MYO1E: variants seen among roughly 807,000 people sequenced by gnomAD.
MYO1E encodes the protein unconventional myosin-Ie.
Under a neutral mutation model 151.1 loss-of-function variants are expected in MYO1E, and 68 were observed. The observed-to-expected ratio is 0.45, with a 90% confidence interval of 0.37 to 0.55. The LOEUF (loss-of-function observed/expected upper bound fraction) is 0.55. Among genes scored for constraint, MYO1E ranks in the 20% least tolerant of loss-of-function variants. The probability of loss-of-function intolerance (pLI) is 0.00; values close to 1 mark genes in which losing one functional copy is unlikely to be tolerated. For synonymous variants in MYO1E, 601 were observed against 501.7 expected (o/e 1.20, Z -2.64); for missense variants, 1,363 against 1,389.3 (o/e 0.98, Z 0.30).
chr15:59,151,852 C>T (rs1318504587), intron 26 of MYO1E, among the ~76,000 whole-genome samples: 18 of 152,060 alleles, frequency 1.2e-4, no homozygotes, highest in African/African-American at 4.1e-4. Flanking sequence ...TCAAGACCAT[C>T]CTGGCCAACA....
chr15:59,314,653 G>A lies in MYO1E; in HGVS notation c.4-42204C>T, dbSNP rs554838621. ...CTCCGGGGCAGCTCTGCTCCCCAGA[G>A]GACATTTGGCAGAATATGGATTCAT... is the stretch of plus-strand genomic sequence containing the variant. On this transcript the variant is annotated intron_variant, in intron 1 of 27. Coordinates refer to ENST00000288235, the MANE Select transcript of MYO1E (RefSeq NM_004998.4). 8.6e-4 allele frequency among the ~76,000 whole-genome samples: 131 copies of A among 152,158 alleles called. 1 individual carries two copies. The highest frequency in any genetic ancestry group is 3.0e-3 in the African/African-American group (126 of 41,502).
intron 18 of MYO1E, among the ~76,000 whole-genome samples, chr15:59,187,123 C>T (rs758425267): frequency 4.5e-4 from 69 of 152,326 alleles, no homozygotes; most frequent in Non-Finnish European, 8.7e-4. Flanking sequence ...CTTCCTGTGG[C>T]ACAATTATCA....
chr15:59,244,568 A>C (rs1253681214), intron 4 of MYO1E, among the ~76,000 whole-genome samples: 3 of 152,170 alleles, frequency 2.0e-5, no homozygotes, highest in Non-Finnish European at 4.4e-5. Flanking sequence ...GCACCTCATG[A>C]CTGAAAGTGG....
intron 5 of MYO1E, among the ~76,000 whole-genome samples, chr15:59,232,896 A>G (rs2080036988): frequency 6.6e-6 from 1 of 152,188 alleles, no homozygotes; most frequent in Non-Finnish European, 1.5e-5. Context: ...AGAAACTGCC[A>G]TGAGAAATGA....
At chr15:59,234,912 A>G (rs1471811609) in intron 5 of MYO1E, among the ~76,000 whole-genome samples, 5 of 152,096 alleles carry the variant, frequency 3.3e-5, no homozygotes, top group African/African-American at 9.7e-5. Flanking sequence ...ATAACATTAC[A>G]TAATTCTGAT....
intron 9 of MYO1E, among the ~76,000 whole-genome samples, chr15:59,220,511 T>TC: frequency 6.6e-6 from 1 of 152,198 alleles, no homozygotes; most frequent in Non-Finnish European, 1.5e-5. Context: ...CTATTTTGCT[T>TC]TAGTAGGCCA....
At position 59,191,548 on chromosome 15, in the gene MYO1E, C is replaced by G. The variant is rs571682194; in HGVS notation, c.1806-3332G>C. On this transcript the variant is annotated intron_variant, in intron 17 of 27. Coordinates refer to ENST00000288235, the MANE Select transcript of MYO1E (RefSeq NM_004998.4). Reference sequence around the variant, plus strand: ...ACTTTTCATAAACACTGGCTTCACGCCAAGCTTTCGAGGCAGGGAATGCAT... The same window carrying G: ...ACTTTTCATAAACACTGGCTTCACGGCAAGCTTTCGAGGCAGGGAATGCAT... Among the ~76,000 whole-genome samples the G allele has an allele frequency of 8.5e-5, 13 of 152,234 alleles. No individual in the cohort carries two copies. The East Asian group carries it at 2.5e-3, about 29-fold the overall frequency.
intron 1 of MYO1E, among the ~76,000 whole-genome samples, chr15:59,358,591 A>G (rs535607595): frequency 2.0e-5 from 3 of 152,350 alleles, no homozygotes; most frequent in Admixed American, 2.0e-4. Context: ...CAGAGTCCAG[A>G]TATTAAGGCC....
chr15:59,251,214 A>C (rs2080162854), intron 4 of MYO1E, among the ~76,000 whole-genome samples: 1 of 152,358 alleles, frequency 6.6e-6, no homozygotes, highest in African/African-American at 2.4e-5. Context: ...GTTCCTCCTC[A>C]TAAAATTTAA....
At chr15:59,215,701 AG>A (rs2079909307) in intron 10 of MYO1E, among the ~76,000 whole-genome samples, 1 of 152,226 alleles carries the variant, frequency 6.6e-6, no homozygotes, top group Admixed American at 6.5e-5. Flanking sequence ...CACAACACAC[AG>A]TCAGTGCCCA....
In MYO1E at chr15:59,180,537, C is replaced by T. The variant is rs192678661; in HGVS notation, c.1905-2000G>A. 4.5e-3 allele frequency among the ~76,000 whole-genome samples: 676 copies of T among 151,458 alleles called. 4 individuals carry two copies. Among genetic ancestry groups the T allele is most frequent in the African/African-American group, 0.012 (481 of 41,180 alleles). On this transcript the variant is annotated intron_variant, in intron 18 of 27. Coordinates refer to ENST00000288235, the MANE Select transcript of MYO1E (RefSeq NM_004998.4). ...ATTTTTTCCTACAAAATTAATGCTG[C>T]GTTTCTCTTTTTTTTTTTTTAATGG...
At chr15:59,158,685 A>T (rs534046744) in intron 24 of MYO1E, among the ~76,000 whole-genome samples, 1 of 152,212 alleles carries the variant, frequency 6.6e-6, no homozygotes. Context: ...AAAGAGACAG[A>T]TGGAACATTT....
chr15:59,243,892 C>G (rs2080114609), intron 4 of MYO1E, among the ~76,000 whole-genome samples: 1 of 151,856 alleles, frequency 6.6e-6, no homozygotes, highest in South Asian at 2.1e-4. Flanking sequence ...AATTCACAGA[C>G]TCCGCTTCCT....
chr15:59,259,213 G>C (rs533037224), intron 3 of MYO1E, among the ~76,000 whole-genome samples: 2 of 152,300 alleles, frequency 1.3e-5, no homozygotes, highest in South Asian at 4.1e-4. Flanking sequence ...ATATCATTGA[G>C]AAATAACAGA....
intron 1 of MYO1E, among the ~76,000 whole-genome samples, chr15:59,287,739 T>C (rs1331979315): frequency 6.6e-6 from 1 of 152,138 alleles, no homozygotes; most frequent in African/African-American, 2.4e-5. Context: ...ATTGGGGTGT[T>C]GACATGGTCT....
chr15:59,278,778 C>A (rs2080336312), intron 1 of MYO1E, among the ~76,000 whole-genome samples: 1 of 152,150 alleles, frequency 6.6e-6, no homozygotes, highest in Admixed American at 6.5e-5. Context: ...CCCTTACACT[C>A]CTAGATAATT....
chr15:59,278,860 C>T (rs1161825528), intron 1 of MYO1E, among the ~76,000 whole-genome samples: 1 of 152,164 alleles, frequency 6.6e-6, no homozygotes, highest in African/African-American at 2.4e-5. Flanking sequence ...TCTCACAACA[C>T]TTGCAAGACA....
chr15:59,140,546 G>C (rs762115707), intron 26 of MYO1E, among the ~76,000 whole-genome samples: 13 of 152,210 alleles, frequency 8.5e-5, no homozygotes, highest in African/African-American at 1.2e-4. Context: ...CTGGCTGTTA[G>C]GTCTGTGCAC....
In MYO1E at chr15:59,137,352, T is replaced by C. The variant is rs2079379246; in HGVS notation, c.*28A>G. On this transcript the variant is annotated 3_prime_UTR_variant, in exon 28 of 28. Transcript: ENST00000288235. ...CCCTGGTCTGTGCCTGGAGCTCCTC[T>C]GCCCCATGTGTCAGAGTCACGGGCA... 2 of 1,605,244 alleles carry C rather than the reference T, an allele frequency of 1.2e-6. No individual in the cohort carries two copies. The highest frequency in any genetic ancestry group is 1.1e-5 in the South Asian group (1 of 90,908).
Sources: gnomAD v4.1 joint callset for allele counts (sites outside exome capture counted in the v4.1 genomes callset) on GRCh38, gnomAD v4.1.1 for gene constraint, MANE v1.5 for transcripts, NCBI Gene and HGNC (gene_info 2026-07-23, HGNC 2026-07-21) for gene names.